CLIP4: variants seen among roughly 807,000 people sequenced by gnomAD.
CLIP4 encodes CAP-Gly domain containing linker protein family member 4, also known as CAP-Gly domain-containing linker protein 4.
A neutral mutation model predicts 73.1 loss-of-function variants in CLIP4; 47 were observed. That is an observed-to-expected ratio of 0.64 (90% CI 0.51 to 0.82). CLIP4 has a LOEUF of 0.82. Ranked by LOEUF, CLIP4 falls within the 40% of genes least tolerant of loss-of-function variation. The pLI, the probability that CLIP4 is intolerant of heterozygous loss-of-function variation, is 0.00. For missense variants in CLIP4, 874 were observed against 852.9 expected (o/e 1.02, Z -0.31); for synonymous variants, 306 against 295.4 (o/e 1.04, Z -0.37).
At chr2:29,134,675 T>C (rs1665222425) in intron 5 of CLIP4, among the ~76,000 whole-genome samples, 1 of 152,098 alleles carries the variant, frequency 6.6e-6, no homozygotes, top group South Asian at 2.1e-4. Flanking sequence ...GTTGTTTAGT[T>C]GAGGGTAGGA....
At chr2:29,167,413 A>T in intron 13 of CLIP4, 63 bp from the exon 14 acceptor site, 1 of 1,164,034 alleles carries the variant, frequency 8.6e-7, no homozygotes, top group Non-Finnish European at 1.2e-6. Flanking sequence ...AACTTAGTTG[A>T]TAACCAGTCT....
intron 13 of CLIP4, among the ~76,000 whole-genome samples, chr2:29,165,389 C>G (rs1191031065): frequency 6.6e-6 from 1 of 152,112 alleles, no homozygotes; most frequent in Non-Finnish European, 1.5e-5. Flanking sequence ...TCCAGTAACC[C>G]TGTGGTGCAG....
At chr2:29,172,767 CTA>C (rs1391859908) in intron 14 of CLIP4, among the ~76,000 whole-genome samples, 2 of 151,998 alleles carry the variant, frequency 1.3e-5, no homozygotes, top group Non-Finnish European at 2.9e-5. Context: ...TCACTCTAGA[CTA>C]TATTTTGGAT....
At chr2:29,148,131 C>T (rs912532392) in intron 8 of CLIP4, among the ~76,000 whole-genome samples, 1 of 152,104 alleles carries the variant, frequency 6.6e-6, no homozygotes, top group Non-Finnish European at 1.5e-5. Flanking sequence ...AGTTGTGGGG[C>T]AGGGGTCATG....
At position 29,131,439 on chromosome 2, in the gene CLIP4, G is replaced by C. The variant is rs759993710; in HGVS notation, c.273+42G>C. On this transcript the variant is annotated intron_variant, in intron 3 of 15. Transcript: ENST00000320081. ...TTTTAAGTTTTGCATTGTTAGGATTGTTAATGGTATAGATTTTTTTCCCCA... is the reference window on the plus strand; with the variant it reads ...TTTTAAGTTTTGCATTGTTAGGATTCTTAATGGTATAGATTTTTTTCCCCA... 16 of 1,553,230 alleles carry C rather than the reference G, an allele frequency of 1.0e-5. No homozygotes were observed. In the Admixed American group the frequency reaches 3.4e-4, roughly 33 times the overall value.
At chr2:29,104,473 G>A (rs769034309) in intron 1 of CLIP4, among the ~76,000 whole-genome samples, 3 of 151,774 alleles carry the variant, frequency 2.0e-5, no homozygotes, top group Non-Finnish European at 2.9e-5. Flanking sequence ...TTTCTATAGC[G>A]ACAGGGTTTT....
At chr2:29,133,861 T>G in intron 5 of CLIP4, 45 bp downstream of exon 5, 1 of 1,431,838 alleles carries the variant, frequency 7.0e-7, no homozygotes, top group South Asian at 1.5e-5. Context: ...ACTGAACACT[T>G]TAGTGGTGGC....
rs1045703672 is a variant in CLIP4, at chr2:29,174,445, A to G, written c.1796A>G (p.Lys599Arg). Residue 599 changes from lysine to arginine, a missense_variant and splice_region_variant, in exon 15 of 16, where the codon AAA becomes AGA. Coordinates refer to ENST00000320081, the MANE Select transcript of CLIP4 (RefSeq NM_024692.6). ...KEINRRNAFS[K>R]SKAALRRSWS... is the part of the protein sequence containing the mutation. ...ATTAACAGAAGAAATGCTTTTTCCA[A>G]GTGAGTATTAAGAAGATTTAGAAAA... 1 of 1,610,966 alleles carries G rather than the reference A, an allele frequency of 6.2e-7. No individual in the cohort carries two copies. Among genetic ancestry groups the G allele is most frequent in the Non-Finnish European group, 8.5e-7 (1 of 1,179,430 alleles).
chr2:29,129,211 A>G (rs916230328), intron 2 of CLIP4, among the ~76,000 whole-genome samples: 2 of 152,194 alleles, frequency 1.3e-5, no homozygotes, highest in African/African-American at 4.8e-5. Context: ...GTAGACCTAC[A>G]TAGAATCAAA....
intron 7 of CLIP4, among the ~76,000 whole-genome samples, chr2:29,144,688 C>G (rs1477147931): frequency 1.3e-5 from 2 of 151,954 alleles, no homozygotes; most frequent in South Asian, 2.1e-4. Flanking sequence ...CCTCCCCTAG[C>G]CCTGTCCCTT....
At chr2:29,103,215 A>G (rs1356716088) in intron 1 of CLIP4, among the ~76,000 whole-genome samples, 2 of 152,182 alleles carry the variant, frequency 1.3e-5, no homozygotes, top group Non-Finnish European at 2.9e-5. Context: ...TCAGATAGAT[A>G]AAAAATGTTT....
chr2:29,180,792 A>G (rs1456281420), intron 15 of CLIP4, among the ~76,000 whole-genome samples: 2 of 152,128 alleles, frequency 1.3e-5, no homozygotes, highest in Non-Finnish European at 1.5e-5. Flanking sequence ...TTAATTAGGT[A>G]TAAGTGTATT....
At chr2:29,142,134 G>C (rs1665813393) in intron 6 of CLIP4, among the ~76,000 whole-genome samples, 1 of 152,090 alleles carries the variant, frequency 6.6e-6, no homozygotes, top group Non-Finnish European at 1.5e-5. Flanking sequence ...GTGGTAGCAA[G>C]TTTTATTCTT....
rs777171816 is a variant in CLIP4, at chr2:29,157,308, A to G, written c.1360A>G (p.Met454Val). ...TGCAATCAGCAGTAACAAGAAGACA[A>G]TGAGCAAAAGCCCTTCCCTTTCATC... is the stretch of plus-strand genomic sequence containing the variant. Reference protein sequence around the residue: ...QNAISSNKKTMSKSPSLSSRA... With the variant: ...QNAISSNKKTVSKSPSLSSRA... The change falls in exon 11 of 16, where the codon ATG (methionine) becomes GTG (valine). Residue 454 changes from methionine (M) to valine (V), a missense_variant. Coordinates refer to ENST00000320081, the MANE Select transcript of CLIP4 (RefSeq NM_024692.6). 9.3e-6 allele frequency: 15 copies of G among 1,614,030 alleles called. No individual in the cohort carries two copies. Among genetic ancestry groups the G allele is most frequent in the Non-Finnish European group, 1.3e-5 (15 of 1,179,984 alleles).
chr2:29,133,660 G>A lies in CLIP4; in HGVS notation c.373G>A (p.Val125Met). Residue 125 changes from valine (V) to methionine (M), a missense_variant, in exon 5 of 16, where the codon GTG becomes ATG. Transcript: ENST00000320081. ...ATTTAGAAAATCTTCTTTAGGTGAT[G>A]TGGAAACAGCTGTAAAATTTGCAAC... is the stretch of plus-strand genomic sequence containing the variant. ...CKSGAHGIGD[V>M]ETAVKFATQL... 1 of 1,603,908 alleles carries A rather than the reference G, an allele frequency of 6.2e-7. No individual in the cohort carries two copies. Among genetic ancestry groups the A allele is most frequent in the East Asian group, 2.2e-5 (1 of 44,840 alleles).
intron 8 of CLIP4, among the ~76,000 whole-genome samples, chr2:29,151,441 T>C (rs1461148098): frequency 6.6e-6 from 1 of 151,822 alleles, no homozygotes; most frequent in Non-Finnish European, 1.5e-5. Context: ...GTGTGTGTGT[T>C]AGGGAAGGAA....
At chr2:29,141,350 A>G (rs189103425) in intron 6 of CLIP4, among the ~76,000 whole-genome samples, 208 of 152,286 alleles carry the variant, frequency 1.4e-3, no homozygotes, top group African/African-American at 4.5e-3. Context: ...TAACTGGTCA[A>G]GTGCTGTATT....
chr2:29,134,434 C>T (rs1665203502), intron 5 of CLIP4, among the ~76,000 whole-genome samples: 1 of 152,130 alleles, frequency 6.6e-6, no homozygotes. Flanking sequence ...ATATTTTCCC[C>T]ATTGTAGGAA....
At chr2:29,153,433 C>T (rs561481023) in intron 9 of CLIP4, among the ~76,000 whole-genome samples, 6 of 152,084 alleles carry the variant, frequency 3.9e-5, no homozygotes, top group South Asian at 4.2e-4. Context: ...CCATTTTTTT[C>T]GACTTCTTAT....
Sources: gnomAD v4.1 joint callset for allele counts (sites outside exome capture counted in the v4.1 genomes callset) on GRCh38, gnomAD v4.1.1 for gene constraint, MANE v1.5 for transcripts, NCBI Gene and HGNC (gene_info 2026-07-23, HGNC 2026-07-21) for gene names.